INPP4A: variants seen among roughly 807,000 people sequenced by gnomAD.
INPP4A encodes inositol polyphosphate-4-phosphatase, type I, 107kD.
Under a neutral mutation model 119.8 loss-of-function variants are expected in INPP4A, and 33 were observed. The observed-to-expected ratio is 0.28, with a 90% CI of 0.21 to 0.37. The LOEUF (loss-of-function observed/expected upper bound fraction) is 0.37. INPP4A is among the 10% of genes least tolerant of loss of function. INPP4A has a pLI of 1.00. For synonymous variants in INPP4A, 496 were observed against 500.7 expected (o/e 0.99, Z 0.12); for missense variants, 956 against 1,289.9 (o/e 0.74, Z 3.97).
intron 11 of INPP4A, 109 bp from the exon 12 acceptor site, chr2:98,545,860 C>T: frequency 1.3e-6 from 1 of 741,934 alleles, no homozygotes; most frequent in African/African-American, 1.8e-5. Context: ...CCACTGCCGA[C>T]ATACCTGCTT....
chr2:98,451,968 C>T (rs1303616057), intron 1 of INPP4A, among the ~76,000 whole-genome samples: 1 of 152,166 alleles, frequency 6.6e-6, no homozygotes, highest in South Asian at 2.1e-4. Context: ...GAACTGGAGT[C>T]TCCATCAGCA....
intron 1 of INPP4A, among the ~76,000 whole-genome samples, 200 bp from the exon 2 acceptor site, chr2:98,518,764 G>A (rs1289499278): frequency 6.6e-6 from 1 of 152,194 alleles, no homozygotes; most frequent in African/African-American, 2.4e-5. Flanking sequence ...AGCCCTGCAG[G>A]GGAGAGGAAT....
chr2:98,450,963 G>A (rs796670562), intron 1 of INPP4A, among the ~76,000 whole-genome samples: 59 of 152,234 alleles, frequency 3.9e-4, no homozygotes, highest in African/African-American at 1.4e-3. Context: ...TAGAGACGGG[G>A]TTTCACCATG....
intron 1 of INPP4A, among the ~76,000 whole-genome samples, chr2:98,509,826 A>C (rs1278717107): frequency 2.0e-5 from 3 of 152,214 alleles, no homozygotes; most frequent in Non-Finnish European, 4.4e-5. Flanking sequence ...AATCCCCTGA[A>C]CGTTCATGGT....
At chr2:98,506,285 T>G (rs1414637626) in intron 1 of INPP4A, among the ~76,000 whole-genome samples, 1 of 152,262 alleles carries the variant, frequency 6.6e-6, no homozygotes, top group Non-Finnish European at 1.5e-5. Context: ...CTCTTCTGCA[T>G]ATCGGAAAGA....
At chr2:98,575,878 A>C (rs1478695507) in intron 23 of INPP4A, among the ~76,000 whole-genome samples, 2 of 152,210 alleles carry the variant, frequency 1.3e-5, no homozygotes, top group Non-Finnish European at 2.9e-5. Flanking sequence ...ATAGTCCTTT[A>C]TCTGAAGCCC....
chr2:98,587,266 C>A (rs767860582), intron 24 of INPP4A, among the ~76,000 whole-genome samples: 1 of 152,184 alleles, frequency 6.6e-6, no homozygotes, highest in East Asian at 1.9e-4. Flanking sequence ...CACAGCCCCA[C>A]GCAGCATGTG....
At chr2:98,497,270 G>T (rs1682185822) in intron 1 of INPP4A, among the ~76,000 whole-genome samples, 1 of 152,250 alleles carries the variant, frequency 6.6e-6, no homozygotes, top group Non-Finnish European at 1.5e-5. Context: ...ACTCCTGGGT[G>T]TCCAGGTAGA....
chr2:98,489,950 T>C lies in INPP4A; in HGVS notation c.-165-29014T>C, dbSNP rs1346647317. Among the ~76,000 whole-genome samples, 11 of 144,642 alleles carry C rather than the reference T, an allele frequency of 7.6e-5. No individual in the cohort carries two copies. In the East Asian group the frequency reaches 2.3e-3, roughly 30 times the overall value. The allele number at this position is 144,642 out of a possible 152,430, so 94.9% of individuals were successfully genotyped here. A position where few individuals can be genotyped will look rare whatever the true frequency, so the allele number is the denominator to read the frequency against. ...GATTGACATCCCTGTAGGATCCAAG[T>C]GCTTGTGGAGTGAGGAGGACACTTT... On this transcript the variant is annotated intron_variant, in intron 1 of 24. Transcript: ENST00000409851.
chr2:98,557,436 A>T (rs1694692311), intron 16 of INPP4A, among the ~76,000 whole-genome samples: 1 of 152,246 alleles, frequency 6.6e-6, no homozygotes, highest in South Asian at 2.1e-4. Flanking sequence ...AGGATCAGAA[A>T]GAACCAGTCT....
Position 98,561,464 on chromosome 2 carries a change from G to C in INPP4A, c.1855+1969G>C, listed in dbSNP as rs185757258. Among the ~76,000 whole-genome samples, 4 of 152,318 alleles carry C rather than the reference G, an allele frequency of 2.6e-5. No homozygotes were observed. In the East Asian group the frequency reaches 7.7e-4, roughly 29 times the overall value. On this transcript the variant is annotated intron_variant, in intron 17 of 24. Transcript: ENST00000409851. ...AAAAAATTGTTCCAGGCATGTCTGAGTCCTTCTCTGGGCAGATAACGACAC... is the reference window on the plus strand; with the variant it reads ...AAAAAATTGTTCCAGGCATGTCTGACTCCTTCTCTGGGCAGATAACGACAC...
chr2:98,457,372 G>A (rs989623608), intron 1 of INPP4A, among the ~76,000 whole-genome samples: 57 of 152,184 alleles, frequency 3.7e-4, no homozygotes, highest in African/African-American at 1.3e-3. Context: ...AGCCTGGTCG[G>A]TATAGTGAGA....
intron 1 of INPP4A, among the ~76,000 whole-genome samples, chr2:98,489,988 G>A (rs1365235901): frequency 6.6e-6 from 1 of 151,450 alleles, no homozygotes; most frequent in Non-Finnish European, 1.5e-5. Context: ...AAGGGCCTAG[G>A]GTGATGGAGC....
chr2:98,478,169 ACTTT>A (rs894656999), intron 1 of INPP4A, among the ~76,000 whole-genome samples: 1 of 152,136 alleles, frequency 6.6e-6, no homozygotes, highest in African/African-American at 2.4e-5. Context: ...AATAGAGCGC[ACTTT>A]AATTTGCGGG....
chr2:98,462,060 G>C (rs1193053176), intron 1 of INPP4A, among the ~76,000 whole-genome samples: 1 of 152,230 alleles, frequency 6.6e-6, no homozygotes, highest in African/African-American at 2.4e-5. Context: ...GCTTCTGCCC[G>C]TTTATTTCAA....
chr2:98,587,359 TTTAAA>T (rs1442698070), intron 24 of INPP4A, 112 bp from the exon 25 acceptor site: 14 of 1,126,346 alleles, frequency 1.2e-5, no homozygotes, highest in African/African-American at 1.6e-5. Flanking sequence ...CCGGCACCCA[TTTAAA>T]TTAATCTTTT....
chr2:98,546,398 G>A lies in INPP4A; in HGVS notation c.1055-188G>A, dbSNP rs549411208. 1.3e-5 allele frequency among the ~76,000 whole-genome samples: 2 copies of A among 152,218 alleles called. No homozygotes were observed. The highest frequency in any genetic ancestry group is 2.9e-5 in the Non-Finnish European group (2 of 68,040). ...CCACTTGAAATGTTTTAAACCCCTT[G>A]TTGCTGAGGTGATGGCACTGGGCTC... On this transcript the variant is annotated intron_variant, in intron 12 of 24. Transcript: ENST00000409851. This position sits in a 1 kb window ranked among gnomAD's most constrained non-coding sequence, Gnocchi z 4.2.
At chr2:98,519,463 G>GTC in intron 2 of INPP4A, 1 of 152,682 alleles carries the variant, frequency 6.5e-6, no homozygotes, top group South Asian at 2.1e-4. Context: ...TGCAGCTCTG[G>GTC]GAAGAAAGCC....
chr2:98,508,719 G>A (rs1350436365), intron 1 of INPP4A, among the ~76,000 whole-genome samples: 2 of 152,198 alleles, frequency 1.3e-5, no homozygotes, highest in Non-Finnish European at 2.9e-5. Context: ...AAGTGACAAT[G>A]GAGTAAGAAA....
Sources: gnomAD v4.1 joint callset for allele counts (sites outside exome capture counted in the v4.1 genomes callset) on GRCh38, gnomAD v4.1.1 for gene constraint, Gnocchi (gnomAD v3.1) non-coding constraint, MANE v1.5 for transcripts, NCBI Gene and HGNC (gene_info 2026-07-23, HGNC 2026-07-21) for gene names.